Variants in ARL8B observed in about 807,000 individuals in gnomAD.
ARL8B encodes the protein ADP-ribosylation factor-like protein 8B.
A neutral mutation model predicts 30.6 loss-of-function variants in ARL8B; 9 were observed. The ratio of observed to expected loss-of-function variants is 0.29; its 90% CI spans 0.18 to 0.51. The LOEUF (loss-of-function observed/expected upper bound fraction) is 0.51, where lower values mean the gene tolerates loss of function less well. ARL8B is among the 20% of genes least tolerant of loss of function. The pLI is 0.97. For missense variants in ARL8B, 130 were observed against 227.2 expected, an observed-to-expected ratio of 0.57 and a Z score of 2.75; for synonymous variants, 74 against 76.0, an observed-to-expected ratio of 0.97 and a Z score of 0.14.
At chr3:5,159,577 G>A (rs557317816) in intron 1 of ARL8B, among the ~76,000 whole-genome samples, 226 of 136,692 alleles carry the variant, frequency 1.7e-3, no homozygotes, top group African/African-American at 6.3e-3. Context: ...ACTCTAGCCT[G>A]GGCAACAAGA....
intron 1 of ARL8B, among the ~76,000 whole-genome samples, chr3:5,133,886 G>C (rs552267299): frequency 6.6e-6 from 1 of 152,310 alleles, no homozygotes; most frequent in East Asian, 1.9e-4. Flanking sequence ...AGTGAGCCAT[G>C]ATGGTGCCAC....
chr3:5,159,479 G>A (rs2054561746), intron 1 of ARL8B, among the ~76,000 whole-genome samples: 3 of 151,458 alleles, frequency 2.0e-5, no homozygotes, highest in Non-Finnish European at 4.4e-5. Context: ...GTGCATGCCT[G>A]TAATTCCAGC....
chr3:5,137,355 A>T (rs142153608), intron 1 of ARL8B, among the ~76,000 whole-genome samples: 86 of 151,986 alleles, frequency 5.7e-4, no homozygotes, highest in African/African-American at 2.0e-3. Flanking sequence ...CTGAGTGGGA[A>T]TTCAATTTCA....
chr3:5,152,731 C>T (rs1411818203), intron 1 of ARL8B, among the ~76,000 whole-genome samples: 2 of 152,218 alleles, frequency 1.3e-5, no homozygotes, highest in Non-Finnish European at 2.9e-5. Context: ...AGTGATCCTC[C>T]TTCCTAGGCC....
At chr3:5,131,652 A>G (rs2054284996) in intron 1 of ARL8B, among the ~76,000 whole-genome samples, 3 of 152,110 alleles carry the variant, frequency 2.0e-5, no homozygotes, top group South Asian at 2.1e-4. Context: ...CGGCCTCCCA[A>G]AGTGCTGGGA....
At chr3:5,134,421 G>A (rs1482754045) in intron 1 of ARL8B, among the ~76,000 whole-genome samples, 1 of 152,224 alleles carries the variant, frequency 6.6e-6, no homozygotes, top group East Asian at 1.9e-4. Flanking sequence ...AGGCTGGGAA[G>A]CCTTTGCTGT....
chr3:5,136,597 C>T (rs1247297523), intron 1 of ARL8B, among the ~76,000 whole-genome samples: 2 of 152,186 alleles, frequency 1.3e-5, no homozygotes, highest in Non-Finnish European at 2.9e-5. Context: ...GTTAGTACTA[C>T]CCTATGTTAT....
intron 1 of ARL8B, among the ~76,000 whole-genome samples, chr3:5,167,955 A>C (rs766729330): frequency 1.3e-5 from 2 of 152,234 alleles, no homozygotes; most frequent in South Asian, 2.1e-4. Context: ...GGAAAGAAGT[A>C]GAAAATACTT....
chr3:5,158,184 A>G (rs975157932), intron 1 of ARL8B, among the ~76,000 whole-genome samples: 1 of 152,058 alleles, frequency 6.6e-6, no homozygotes, highest in East Asian at 1.9e-4. Flanking sequence ...GGGTTTCACT[A>G]TGTTGGCCAG....
At chr3:5,139,797 AG>A (rs2054356191) in intron 1 of ARL8B, among the ~76,000 whole-genome samples, 2 of 152,172 alleles carry the variant, frequency 1.3e-5, no homozygotes, top group South Asian at 2.1e-4. Context: ...AAGCAGAAGT[AG>A]TTACTGGATG....
At chr3:5,134,649 C>G (rs1172256412) in intron 1 of ARL8B, among the ~76,000 whole-genome samples, 2 of 152,292 alleles carry the variant, frequency 1.3e-5, no homozygotes, top group Non-Finnish European at 2.9e-5. Flanking sequence ...GATTACATTA[C>G]TGATCATTTT....
intron 1 of ARL8B, among the ~76,000 whole-genome samples, chr3:5,155,114 A>C (rs1353975817): frequency 6.6e-6 from 1 of 152,012 alleles, no homozygotes; most frequent in Admixed American, 6.5e-5. Context: ...TAATTTCCTC[A>C]GCTTTTGTTT....
intron 1 of ARL8B, among the ~76,000 whole-genome samples, chr3:5,144,376 T>A (rs893469480): frequency 6.6e-6 from 1 of 152,234 alleles, no homozygotes; most frequent in Non-Finnish European, 1.5e-5. Context: ...TGTTTTCTAA[T>A]CACCTTTTTG....
intron 1 of ARL8B, among the ~76,000 whole-genome samples, chr3:5,161,384 A>G (rs1164752809): frequency 6.6e-6 from 1 of 152,208 alleles, no homozygotes; most frequent in Non-Finnish European, 1.5e-5. Flanking sequence ...TCTGAAGTGT[A>G]TCAAGAGCCC....
In ARL8B at chr3:5,125,254, G is replaced by A. The variant is rs536067252; in HGVS notation, c.123+2666G>A. Among the ~76,000 whole-genome samples the A allele has an allele frequency of 7.4e-4, 112 of 152,278 alleles. 3 individuals are homozygous for A. The highest frequency in any genetic ancestry group is 4.9e-4 in the Non-Finnish European group (33 of 68,034). On this transcript the variant is annotated intron_variant, in intron 1 of 6. Transcript: ENST00000256496. ...TCATACTGGCCCACAGAAGGGGATA[G>A]GTAGATGGTAACTGTTGTTATTTGT...
intron 1 of ARL8B, among the ~76,000 whole-genome samples, chr3:5,149,163 T>C (rs2054456472): frequency 6.6e-6 from 1 of 152,358 alleles, no homozygotes; most frequent in East Asian, 1.9e-4. Context: ...AAGGCAGTAC[T>C]TACAGTCTAA....
At chr3:5,139,427 C>G (rs945070901) in intron 1 of ARL8B, among the ~76,000 whole-genome samples, 4 of 152,148 alleles carry the variant, frequency 2.6e-5, no homozygotes, top group African/African-American at 9.7e-5. Flanking sequence ...CATTTATCTT[C>G]CAGGTAGAAA....
At chr3:5,146,365 C>G (rs2054418811) in intron 1 of ARL8B, among the ~76,000 whole-genome samples, 1 of 152,098 alleles carries the variant, frequency 6.6e-6, no homozygotes. Flanking sequence ...TCTATACGAC[C>G]CATCAGGCTT....
At chr3:5,176,272 C>A (rs1480757862) in intron 6 of ARL8B, among the ~76,000 whole-genome samples, 1 of 152,214 alleles carries the variant, frequency 6.6e-6, no homozygotes, top group East Asian at 1.9e-4. Flanking sequence ...ACTCTGTCGC[C>A]GTGGCTGGAG....
Sources: allele counts gnomAD v4.1 joint callset (sites outside exome capture counted in the v4.1 genomes callset), GRCh38; gene constraint gnomAD v4.1.1; transcripts MANE v1.5; gene names NCBI Gene and HGNC (gene_info 2026-07-23, HGNC 2026-07-21).